Variants in PARD3B observed in about 807,000 individuals in gnomAD.
PARD3B encodes partitioning defective 3 homolog B.
PARD3B carries 103 observed loss-of-function variants against 130.2 expected under a neutral mutation model. The observed-to-expected ratio is 0.79, with a 90% CI of 0.67 to 0.93. The LOEUF is 0.93. PARD3B is among the 40% of genes least tolerant of loss of function. The pLI is 0.00. For missense variants in PARD3B, 1,609 were observed against 1,499.2 expected (o/e 1.07, Z -1.21); for synonymous variants, 583 against 553.2 (o/e 1.05, Z -0.76).
chr2:205,535,757 C>G (rs574896538), intron 21 of PARD3B, among the ~76,000 whole-genome samples: 1 of 152,320 alleles, frequency 6.6e-6, no homozygotes, highest in Non-Finnish European at 1.5e-5. Flanking sequence ...CTCTGCTTTG[C>G]TGCAATTCCT....
chr2:205,555,104 T>C (rs1408895258), intron 22 of PARD3B, among the ~76,000 whole-genome samples: 1 of 152,176 alleles, frequency 6.6e-6, no homozygotes, highest in African/African-American at 2.4e-5. Flanking sequence ...TTAAGGCAGA[T>C]GGAAAATAGA....
rs1694972227 is a variant in PARD3B at position 205,003,033 on chromosome 2, GT to G, written c.394+37712del. Among the ~76,000 whole-genome samples the G allele has an allele frequency of 4.6e-5, 7 of 152,340 alleles. No individual in the cohort carries two copies. In the East Asian group the frequency reaches 1.4e-3, roughly 29 times the overall value. On this transcript the variant is annotated intron_variant, in intron 3 of 22. Coordinates refer to ENST00000406610, the MANE Select transcript of PARD3B (RefSeq NM_001302769.2). ...CTTAACAAGGACTTAACAAGACTGA[GT>G]TCCTTGCTAGAAGCTCTGGCAGAGA...
intron 18 of PARD3B, among the ~76,000 whole-genome samples, chr2:205,400,511 T>G (rs2046211811): frequency 6.6e-6 from 1 of 151,920 alleles, no homozygotes; most frequent in African/African-American, 2.4e-5. Flanking sequence ...CATGGTGGTG[T>G]GAACCTGTAA....
At chr2:205,219,599 A>AG (rs35036135) in intron 15 of PARD3B, among the ~76,000 whole-genome samples, 84,645 of 151,894 alleles carry the variant, frequency 0.56, 23,750 homozygotes, top group Admixed American at 0.66. Context: ...AGCCAAGAAC[A>AG]AAGCAGCTAT....
At chr2:205,028,152 C>G (rs1257675807) in intron 3 of PARD3B, among the ~76,000 whole-genome samples, 1 of 152,056 alleles carries the variant, frequency 6.6e-6, no homozygotes, top group Non-Finnish European at 1.5e-5. Flanking sequence ...CTGTGGATCA[C>G]TTTGGGTAGT....
intron 10 of PARD3B, among the ~76,000 whole-genome samples, chr2:205,156,407 TATA>T (rs1456913251): frequency 6.6e-6 from 1 of 151,458 alleles, no homozygotes; most frequent in Admixed American, 6.6e-5. Flanking sequence ...AAACTTAAAG[TATA>T]ATAATAATAA....
chr2:205,327,954 A>G (rs2042990719), intron 18 of PARD3B, among the ~76,000 whole-genome samples: 3 of 152,180 alleles, frequency 2.0e-5, no homozygotes, highest in African/African-American at 7.2e-5. Flanking sequence ...GCTCATTTAT[A>G]AAGAATGGAT....
intron 11 of PARD3B, among the ~76,000 whole-genome samples, chr2:205,171,876 A>AACATGGTC (rs1445676781): frequency 6.6e-6 from 1 of 152,206 alleles, no homozygotes; most frequent in East Asian, 1.9e-4. Context: ...TTGAGTCAAC[A>AACATGGTC]ACATGGTCTC....
chr2:205,448,674 C>G (rs1222949050), intron 20 of PARD3B, among the ~76,000 whole-genome samples: 1 of 152,084 alleles, frequency 6.6e-6, no homozygotes, highest in Non-Finnish European at 1.5e-5. Context: ...GATCGTTGAT[C>G]AATGTCAAAT....
At position 205,183,964 on chromosome 2, in the gene PARD3B, A is replaced by G. The variant is rs1003584743; in HGVS notation, c.1925-1800A>G. On this transcript the variant is annotated intron_variant, in intron 13 of 22. Transcript: ENST00000406610. This position sits in a 1 kb window ranked among gnomAD's most constrained non-coding sequence, Gnocchi z 5.2. ...ACAAACGGGCTTGAGACTCAGGAAG[A>G]ACTGATGTTTCCGTTTGGGTCTGAA... is the stretch of plus-strand genomic sequence containing the variant. Among the ~76,000 whole-genome samples, 1 of 151,830 alleles carries G rather than the reference A, an allele frequency of 6.6e-6. No homozygotes were observed. Among genetic ancestry groups the G allele is most frequent in the Non-Finnish European group, 1.5e-5 (1 of 67,932 alleles).
chr2:204,608,979 A>T (rs1438947250), intron 1 of PARD3B, among the ~76,000 whole-genome samples: 2 of 152,220 alleles, frequency 1.3e-5, no homozygotes. Context: ...AATTATGGCT[A>T]TTCAGGTAAT....
chr2:205,544,701 C>T (rs2052310544), intron 21 of PARD3B, among the ~76,000 whole-genome samples: 1 of 152,112 alleles, frequency 6.6e-6, no homozygotes, highest in Admixed American at 6.6e-5. Context: ...ATGCTTAAAT[C>T]CCAATAAATA....
At chr2:204,555,906 G>A (rs756748927) in intron 1 of PARD3B, among the ~76,000 whole-genome samples, 9 of 152,046 alleles carry the variant, frequency 5.9e-5, no homozygotes, top group Non-Finnish European at 1.0e-4. Flanking sequence ...AACCTTCTGA[G>A]AACCCTTTCT....
intron 20 of PARD3B, among the ~76,000 whole-genome samples, chr2:205,485,681 T>A (rs149491391): frequency 5.8e-4 from 89 of 152,288 alleles, no homozygotes; most frequent in African/African-American, 2.1e-3. Flanking sequence ...GATTGGTGGA[T>A]GGGGCTGTTA....
intron 21 of PARD3B, among the ~76,000 whole-genome samples, chr2:205,535,502 G>T (rs1233419209): frequency 6.6e-6 from 1 of 152,176 alleles, no homozygotes; most frequent in Middle Eastern, 3.2e-3. Flanking sequence ...GAATATTCTA[G>T]TTCAAACTCC....
intron 5 of PARD3B, among the ~76,000 whole-genome samples, chr2:205,108,617 C>T (rs1019748894): frequency 2.0e-5 from 3 of 152,102 alleles, no homozygotes; most frequent in African/African-American, 7.2e-5. Flanking sequence ...CACTCCATCC[C>T]CTCACCTATC....
intron 2 of PARD3B, among the ~76,000 whole-genome samples, chr2:204,944,997 C>T (rs185353918): frequency 1.7e-3 from 258 of 152,292 alleles, no homozygotes; most frequent in Admixed American, 3.9e-3. Flanking sequence ...TTGGGAATAT[C>T]CTGGGATGGG....
In PARD3B at chr2:205,252,852, C is replaced by A. The variant is rs1354961689; in HGVS notation, c.2185+7030C>A. 5.2e-3 allele frequency among the ~76,000 whole-genome samples: 342 copies of A among 65,474 alleles called. 3 individuals are homozygous for A. The highest frequency in any genetic ancestry group is 0.016 in the African/African-American group (314 of 19,528). 43.0% of individuals were successfully genotyped at this position (65,474 alleles called of 152,430 possible). On this transcript the variant is annotated intron_variant, in intron 16 of 22. Coordinates refer to ENST00000406610, the MANE Select transcript of PARD3B (RefSeq NM_001302769.2). ...AACCTGAAGGGACCCCCCCCCCCCA[C>A]CAAAAAAAAAAAAAAAGGAGAGAGA... is the stretch of plus-strand genomic sequence containing the variant.
At chr2:205,597,477 G>A (rs2054613442) in intron 22 of PARD3B, among the ~76,000 whole-genome samples, 1 of 152,164 alleles carries the variant, frequency 6.6e-6, no homozygotes, top group African/African-American at 2.4e-5. Context: ...GAATAGCATT[G>A]TAATAAACAA....
Sources: gnomAD v4.1 joint callset for allele counts (sites outside exome capture counted in the v4.1 genomes callset) on GRCh38, gnomAD v4.1.1 for gene constraint, Gnocchi (gnomAD v3.1) non-coding constraint, MANE v1.5 for transcripts, NCBI Gene and HGNC (gene_info 2026-07-23, HGNC 2026-07-21) for gene names.